The following RANBP3L variants were observed in gnomAD, a reference collection of about 807,000 sequenced individuals.
RANBP3L encodes the protein RAN binding protein 3 like.
Under a neutral mutation model 67.2 loss-of-function variants are expected in RANBP3L, and 56 were observed. That is an observed-to-expected ratio of 0.83 (90% CI 0.67 to 1.04). The LOEUF is 1.04. RANBP3L is among the 50% of genes least tolerant of loss of function. The probability of loss-of-function intolerance (pLI) is 0.00; values close to 1 mark genes in which losing one functional copy is unlikely to be tolerated. For missense variants in RANBP3L, 496 were observed against 535.5 expected, an observed-to-expected ratio of 0.93 and a Z score of 0.73; for synonymous variants, 164 against 181.4, an observed-to-expected ratio of 0.90 and a Z score of 0.77.
At chr5:36,269,248 CTTG>C in intron 4 of RANBP3L, 139 bp downstream of exon 4, 1 of 609,450 alleles carries the variant, frequency 1.6e-6, no homozygotes, top group Non-Finnish European at 3.0e-6. Flanking sequence ...CATTGTATAG[CTTG>C]TTGTTTTCAC....
In RANBP3L at chr5:36,256,954, T is replaced by C. The variant is rs754918885; in HGVS notation, c.890A>G (p.His297Arg). The change falls in exon 10 of 14, where the codon CAT becomes CGT. Residue 297 changes from histidine to arginine, a missense_variant. Coordinates refer to ENST00000296604, the MANE Select transcript of RANBP3L (RefSeq NM_145000.5). ...TGATATACAGACCTTTAACACATTA[T>C]GTTCTGTTTCCTCCCCTGTTATAAC... ...IDVITGEETE[H>R]NVLKINCKLF... 1.2e-5 allele frequency: 19 copies of C among 1,612,930 alleles called. No homozygotes were observed. Among genetic ancestry groups the C allele is most frequent in the Non-Finnish European group, 1.6e-5 (19 of 1,179,254 alleles).
chr5:36,263,718 T>A (rs1423414292), intron 6 of RANBP3L, among the ~76,000 whole-genome samples: 2 of 152,136 alleles, frequency 1.3e-5, no homozygotes, highest in African/African-American at 4.8e-5. Context: ...GTAAAGACAG[T>A]GTTTTACTAT....
At chr5:36,251,987 G>A (rs1748627637) in intron 12 of RANBP3L, among the ~76,000 whole-genome samples, 1 of 151,956 alleles carries the variant, frequency 6.6e-6, no homozygotes, top group Non-Finnish European at 1.5e-5. Context: ...ATTTTCCTAT[G>A]CTATTTTAAT....
At chr5:36,300,284 T>C (rs1157983784) in intron 1 of RANBP3L, among the ~76,000 whole-genome samples, 1 of 152,220 alleles carries the variant, frequency 6.6e-6, no homozygotes, top group Non-Finnish European at 1.5e-5. Flanking sequence ...AAAGTTCACA[T>C]TGTTTTCATT....
intron 1 of RANBP3L, among the ~76,000 whole-genome samples, chr5:36,291,145 A>G (rs1408452070): frequency 6.6e-6 from 1 of 151,846 alleles, no homozygotes; most frequent in Non-Finnish European, 1.5e-5. Flanking sequence ...ACATGTTTGT[A>G]TAACCAATCT....
intron 1 of RANBP3L, among the ~76,000 whole-genome samples, chr5:36,279,296 C>T (rs1750812357): frequency 6.6e-6 from 1 of 152,128 alleles, no homozygotes; most frequent in South Asian, 2.1e-4. Flanking sequence ...AAGCATGAGA[C>T]ATTCTGTACT....
chr5:36,265,418 T>G lies in RANBP3L; in HGVS notation c.340+31A>C, dbSNP rs369247656. 5 of 1,404,770 alleles carry G rather than the reference T, an allele frequency of 3.6e-6. No individual in the cohort carries two copies. In the African/African-American group the frequency reaches 5.8e-5, roughly 16 times the overall value. 87.0% of individuals were successfully genotyped at this position (1,404,770 alleles called of 1,614,324 possible). ...AAATATAGGTGGTAAAATATACAAT[T>G]TCTGAGGTTCTTGAAATAGAAGCTA... On this transcript the variant is annotated intron_variant, in intron 5 of 13. Transcript: ENST00000296604.
chr5:36,290,222 A>AC (rs367709697), intron 1 of RANBP3L, among the ~76,000 whole-genome samples: 5,456 of 63,140 alleles, frequency 0.086, 152 homozygotes, highest in Middle Eastern at 0.15. Flanking sequence ...TCTCTGTCTC[A>AC]CCTTTTTTTT....
chr5:36,294,614 T>C (rs1037969934), intron 1 of RANBP3L, among the ~76,000 whole-genome samples: 6 of 152,060 alleles, frequency 3.9e-5, no homozygotes, highest in African/African-American at 9.7e-5. Context: ...TTTGTTCTCG[T>C]TGGTTTCAAA....
chr5:36,256,212 G>T (rs1748968350), intron 10 of RANBP3L, among the ~76,000 whole-genome samples: 1 of 151,996 alleles, frequency 6.6e-6, no homozygotes, highest in Non-Finnish European at 1.5e-5. Flanking sequence ...TAGCATCCTG[G>T]AGCCTCACCC....
At chr5:36,297,437 A>ACT (rs1752304628) in intron 1 of RANBP3L, among the ~76,000 whole-genome samples, 1 of 151,492 alleles carries the variant, frequency 6.6e-6, no homozygotes, top group South Asian at 2.1e-4. Flanking sequence ...ACACACACAC[A>ACT]CACACACACG....
intron 4 of RANBP3L, among the ~76,000 whole-genome samples, chr5:36,267,845 A>G (rs1749919731): frequency 1.3e-5 from 2 of 152,240 alleles, no homozygotes; most frequent in South Asian, 2.1e-4. Flanking sequence ...GCATAATTGC[A>G]TGTTTTAAAT....
intron 11 of RANBP3L, among the ~76,000 whole-genome samples, chr5:36,254,493 T>A (rs1748826021): frequency 6.6e-6 from 1 of 151,992 alleles, no homozygotes; most frequent in Admixed American, 6.6e-5. Flanking sequence ...TTGTTTTTTG[T>A]TTTTCTTTGG....
At chr5:36,277,362 G>C (rs1220855770) in intron 1 of RANBP3L, among the ~76,000 whole-genome samples, 1 of 148,154 alleles carries the variant, frequency 6.7e-6, no homozygotes, top group Non-Finnish European at 1.5e-5. Context: ...TCCTAGAGCT[G>C]TATTTTAAAT....
Position 36,265,159 on chromosome 5 carries a change from T to A in RANBP3L, c.341-61A>T, listed in dbSNP as rs552790048. The A allele has an allele frequency of 3.7e-5, 38 of 1,032,974 alleles. No individual in the cohort carries two copies. In the East Asian group the frequency reaches 8.8e-4, roughly 24 times the overall value. 64.0% of individuals were successfully genotyped at this position (1,032,974 alleles called of 1,614,324 possible). On this transcript the variant is annotated intron_variant, in intron 5 of 13. Transcript: ENST00000296604. The stretch of plus-strand genomic sequence containing the variant: ...TACTGAAATATTCCTTTACTCCCTA[T>A]TTTTAATTAATATAATTCTTATTTT...
At chr5:36,268,308 T>G in intron 4 of RANBP3L, 1 of 1,401,278 alleles carries the variant, frequency 7.1e-7, no homozygotes, top group Non-Finnish European at 9.6e-7. Context: ...AGAAAGTGGG[T>G]TTTTTGTTTT....
At chr5:36,290,597 T>A (rs529602794) in intron 1 of RANBP3L, among the ~76,000 whole-genome samples, 1 of 152,060 alleles carries the variant, frequency 6.6e-6, no homozygotes, top group Non-Finnish European at 1.5e-5. Flanking sequence ...TGGGGAATCA[T>A]GGAGGAGCAG....
chr5:36,283,297 A>G (rs1217421324), intron 1 of RANBP3L, among the ~76,000 whole-genome samples: 1 of 151,714 alleles, frequency 6.6e-6, no homozygotes, highest in African/African-American at 2.4e-5. Context: ...ACCTCAGGTG[A>G]TCCACCCACC....
At chr5:36,270,725 A>G (rs1750145519) in intron 2 of RANBP3L, among the ~76,000 whole-genome samples, 1 of 152,144 alleles carries the variant, frequency 6.6e-6, no homozygotes, top group Non-Finnish European at 1.5e-5. Context: ...CTCGAACCCC[A>G]GGCTTCAAAC....
Sources: allele counts gnomAD v4.1 joint callset (sites outside exome capture counted in the v4.1 genomes callset), GRCh38; gene constraint gnomAD v4.1.1; transcripts MANE v1.5; gene names NCBI Gene and HGNC (gene_info 2026-07-23, HGNC 2026-07-21).